The following OTUD7A variants were observed in gnomAD, a reference collection of about 807,000 sequenced individuals.
The protein encoded by OTUD7A is OTU deubiquitinase 7A.
Under a neutral mutation model 65.7 loss-of-function variants are expected in OTUD7A, and 12 were observed. That is an observed-to-expected ratio of 0.18 (90% CI 0.12 to 0.30). The LOEUF (loss-of-function observed/expected upper bound fraction) is 0.30, where lower values mean the gene tolerates loss of function less well. Ranked by LOEUF, OTUD7A falls within the 10% of genes least tolerant of loss-of-function variation. The pLI, the probability that OTUD7A is intolerant of heterozygous loss-of-function variation, is 1.00. For synonymous variants in OTUD7A, 641 were observed against 586.3 expected (o/e 1.09, Z -1.35); for missense variants, 1,148 against 1,304.8 (o/e 0.88, Z 1.85).
At chr15:31,682,750 A>G (rs552065760) in intron 1 of OTUD7A, among the ~76,000 whole-genome samples, 29 of 152,302 alleles carry the variant, frequency 1.9e-4, no homozygotes, top group African/African-American at 6.0e-4. Flanking sequence ...ATGTGTGAGC[A>G]TGTGCATGCA....
chr15:31,499,016 G>C (rs180794862), intron 10 of OTUD7A, among the ~76,000 whole-genome samples: 2 of 152,122 alleles, frequency 1.3e-5, no homozygotes, highest in East Asian at 1.9e-4. Context: ...TATAAGAGGG[G>C]GCTTCCCTTA....
At chr15:31,691,517 A>T (rs1305849313) in intron 1 of OTUD7A, among the ~76,000 whole-genome samples, 1 of 152,236 alleles carries the variant, frequency 6.6e-6, no homozygotes, top group East Asian at 1.9e-4. Context: ...AATGGTGCTG[A>T]GAAAACCAAA....
chr15:31,549,920 A>G (rs1424443584), intron 5 of OTUD7A, among the ~76,000 whole-genome samples: 3 of 151,954 alleles, frequency 2.0e-5, no homozygotes, highest in African/African-American at 7.3e-5. Context: ...ACATGCTACT[A>G]CATACAAAAT....
At chr15:31,805,320 G>A (rs1263341684) in intron 1 of OTUD7A, among the ~76,000 whole-genome samples, 1 of 152,222 alleles carries the variant, frequency 6.6e-6, no homozygotes. Context: ...GCAATGGCCT[G>A]CACTGGCAGG....
intron 5 of OTUD7A, among the ~76,000 whole-genome samples, chr15:31,538,286 C>T (rs1040718464): frequency 1.3e-5 from 2 of 152,190 alleles, no homozygotes; most frequent in Non-Finnish European, 2.9e-5. Flanking sequence ...GCTATGTGTG[C>T]CTGGGTCCTC....
chr15:31,811,295 T>C (rs986477480), intron 1 of OTUD7A, among the ~76,000 whole-genome samples: 7 of 151,808 alleles, frequency 4.6e-5, no homozygotes, highest in Admixed American at 2.6e-4. Flanking sequence ...TTTGGTTGAT[T>C]TGATGTGTGT....
intron 1 of OTUD7A, among the ~76,000 whole-genome samples, chr15:31,840,572 T>C (rs1306550099): frequency 1.3e-5 from 2 of 152,252 alleles, no homozygotes; most frequent in Non-Finnish European, 2.9e-5. Context: ...CGTCCTTTAA[T>C]GTTACATATA....
chr15:31,828,750 C>T (rs972969461), intron 1 of OTUD7A, among the ~76,000 whole-genome samples: 1 of 152,162 alleles, frequency 6.6e-6, no homozygotes, highest in Non-Finnish European at 1.5e-5. Flanking sequence ...AGCTTTTGGC[C>T]TTCAAGGGTA....
intron 1 of OTUD7A, among the ~76,000 whole-genome samples, chr15:31,709,450 C>A (rs965309767): frequency 5.4e-4 from 82 of 152,246 alleles, no homozygotes; most frequent in Middle Eastern, 6.8e-3. Context: ...CTATGAGATC[C>A]CCGGATACAC....
chr15:31,597,256 C>G (rs1489360065), intron 3 of OTUD7A, among the ~76,000 whole-genome samples: 1 of 152,070 alleles, frequency 6.6e-6, no homozygotes, highest in Non-Finnish European at 1.5e-5. Context: ...TTTGATGAAC[C>G]AAAATTTTTT....
intron 1 of OTUD7A, chr15:31,766,172 T>C (rs1895089382): frequency 3.4e-6 from 5 of 1,491,520 alleles, no homozygotes; most frequent in Non-Finnish European, 4.7e-6. Context: ...AAGAAACTAA[T>C]CTTCCAGCAA....
At chr15:31,725,217 T>C (rs1372033255) in intron 1 of OTUD7A, among the ~76,000 whole-genome samples, 1 of 152,204 alleles carries the variant, frequency 6.6e-6, no homozygotes, top group Non-Finnish European at 1.5e-5. Flanking sequence ...ATGAAGTCCC[T>C]GCCCTGCTGG....
intron 3 of OTUD7A, among the ~76,000 whole-genome samples, chr15:31,644,965 C>T (rs1217821769): frequency 6.6e-6 from 1 of 152,168 alleles, no homozygotes; most frequent in Non-Finnish European, 1.5e-5. Flanking sequence ...CACACAGCTT[C>T]CTCACACACA....
chr15:31,768,626 T>C lies in OTUD7A; in HGVS notation c.-100+101881A>G, dbSNP rs376892881. ...ATGAACCGAGATCGTGCCACTGCACTCCAGCCTAGGTGACAGAGACCCCAT... is the reference window on the plus strand; with the variant it reads ...ATGAACCGAGATCGTGCCACTGCACCCCAGCCTAGGTGACAGAGACCCCAT... On this transcript the variant is annotated intron_variant, in intron 1 of 12. Coordinates refer to ENST00000307050, the MANE Select transcript of OTUD7A (RefSeq NM_001382637.1). 3.0e-4 allele frequency among the ~76,000 whole-genome samples: 46 copies of C among 150,916 alleles called. 1 individual carries two copies. The South Asian group carries it at 9.4e-3, about 31-fold the overall frequency.
chr15:31,564,031 A>C (rs1331248880), intron 4 of OTUD7A, among the ~76,000 whole-genome samples: 4 of 152,232 alleles, frequency 2.6e-5, no homozygotes, highest in Admixed American at 2.6e-4. Flanking sequence ...AGCCTAGTAA[A>C]TACATGCAAA....
intron 10 of OTUD7A, among the ~76,000 whole-genome samples, chr15:31,497,163 C>A (rs1004709616): frequency 1.1e-4 from 17 of 152,200 alleles, no homozygotes; most frequent in African/African-American, 3.9e-4. Context: ...GGTGCCCTGA[C>A]CTCTGTGTGG....
intron 1 of OTUD7A, among the ~76,000 whole-genome samples, chr15:31,863,213 T>A (rs1897790115): frequency 6.6e-6 from 1 of 152,132 alleles, no homozygotes; most frequent in South Asian, 2.1e-4. Context: ...TGGTGTTGAG[T>A]GTCTATGGCT....
chr15:31,800,532 G>GC lies in OTUD7A; in HGVS notation c.-100+69974_-100+69975insG, dbSNP rs1567030074. ...CAGGATGCAGCCAGGAGGGACAGGAGAGCCAACCTACCCAATGGCCTCTGT... is the reference window on the plus strand; with the variant it reads ...CAGGATGCAGCCAGGAGGGACAGGAGCAGCCAACCTACCCAATGGCCTCTGT... On this transcript the variant is annotated intron_variant, in intron 1 of 12. Transcript: ENST00000307050. Among the ~76,000 whole-genome samples the GC allele has an allele frequency of 2.4e-4, 37 of 152,286 alleles. 1 individual carries two copies. Among genetic ancestry groups the GC allele is most frequent in the Middle Eastern group, 3.4e-3 (1 of 294 alleles).
intron 1 of OTUD7A, among the ~76,000 whole-genome samples, chr15:31,860,667 A>ATG (rs1464180062): frequency 1.5e-5 from 1 of 68,362 alleles, no homozygotes; most frequent in Non-Finnish European, 3.0e-5. Context: ...GTATATATAG[A>ATG]TGTATGTGTG....
Sources: allele counts gnomAD v4.1 joint callset (sites outside exome capture counted in the v4.1 genomes callset), GRCh38; gene constraint gnomAD v4.1.1; transcripts MANE v1.5; gene names NCBI Gene and HGNC (gene_info 2026-07-23, HGNC 2026-07-21).